The following OSBPL1A variants were observed in gnomAD, a reference collection of about 807,000 sequenced individuals.
OSBPL1A encodes the protein oxysterol binding protein like 1A, also known as oxysterol-binding protein-related protein 1.
In OSBPL1A, 80 loss-of-function variants were observed where a neutral mutation model predicts 137.1. The observed-to-expected ratio is 0.58, with a 90% CI of 0.49 to 0.70. The LOEUF (loss-of-function observed/expected upper bound fraction) is 0.70. Ranked by LOEUF, OSBPL1A falls within the 30% of genes least tolerant of loss-of-function variation. The pLI is 0.00. For missense variants in OSBPL1A, 970 were observed against 1,129.4 expected (o/e 0.86, Z 2.02); for synonymous variants, 365 against 389.7 (o/e 0.94, Z 0.75).
At chr18:24,320,832 A>G (rs1037808552) in intron 7 of OSBPL1A, among the ~76,000 whole-genome samples, 1 of 152,154 alleles carries the variant, frequency 6.6e-6, no homozygotes, top group Admixed American at 6.5e-5. Context: ...GTTCGAGACC[A>G]GCCTGGCCAA....
intron 17 of OSBPL1A, among the ~76,000 whole-genome samples, chr18:24,221,947 G>A (rs571753831): frequency 1.3e-5 from 2 of 152,242 alleles, no homozygotes; most frequent in South Asian, 4.1e-4. Context: ...TGGCAGCCTA[G>A]CCAAACTTTC....
intron 15 of OSBPL1A, among the ~76,000 whole-genome samples, chr18:24,239,926 T>TC (rs1491106385): frequency 5.4e-3 from 2 of 368 alleles, no homozygotes; most frequent in Admixed American, 0.067. Context: ...CATTTTTCTC[T>TC]TTTTTTTTTT....
intron 17 of OSBPL1A, among the ~76,000 whole-genome samples, chr18:24,200,452 C>G (rs2087185096): frequency 6.6e-6 from 1 of 151,014 alleles, no homozygotes; most frequent in Admixed American, 6.6e-5. Context: ...ATCCCAACTA[C>G]TTGGGAGGCT....
intron 11 of OSBPL1A, among the ~76,000 whole-genome samples, chr18:24,315,935 T>C (rs1033696018): frequency 7.2e-6 from 1 of 138,592 alleles, no homozygotes; most frequent in Non-Finnish European, 1.5e-5. Context: ...ATAATAATAA[T>C]ATTAATAATA....
At position 24,360,610 on chromosome 18, in the gene OSBPL1A, C is replaced by T. The variant is rs28464185; in HGVS notation, c.282+6282G>A. On this transcript the variant is annotated intron_variant, in intron 4 of 27. Coordinates refer to ENST00000319481, the MANE Select transcript of OSBPL1A (RefSeq NM_080597.4). ...AAATACAGCAGATCTTCAAACAACA[C>T]CATTTCATTCAACATCATTTCATTG... 9.9e-3 allele frequency among the ~76,000 whole-genome samples: 1,500 copies of T among 152,282 alleles called. 18 individuals carry two copies. Among genetic ancestry groups the T allele is most frequent in the African/African-American group, 0.028 (1,172 of 41,562 alleles).
intron 11 of OSBPL1A, 105 bp downstream of exon 11, chr18:24,317,044 C>G: frequency 8.5e-7 from 1 of 1,173,372 alleles, no homozygotes. Context: ...CTACAGCATT[C>G]CACAGAACCC....
At chr18:24,214,852 GTTGC>G (rs917170313) in intron 17 of OSBPL1A, among the ~76,000 whole-genome samples, 5 of 152,198 alleles carry the variant, frequency 3.3e-5, no homozygotes, top group African/African-American at 1.2e-4. Context: ...ATATGACTGT[GTTGC>G]TTTTCATGGC....
chr18:24,233,558 G>C (rs1299463127), intron 16 of OSBPL1A, among the ~76,000 whole-genome samples: 1 of 152,172 alleles, frequency 6.6e-6, no homozygotes. Context: ...CAAGCATTTA[G>C]AGAACTCTGA....
At chr18:24,166,431 A>ATTTAAATTCAGTAACTTTTAT in intron 26 of OSBPL1A, 148 bp downstream of exon 26, 1 of 1,014,244 alleles carries the variant, frequency 9.9e-7, no homozygotes, top group Non-Finnish European at 1.4e-6. Context: ...AAGTTACTGA[A>ATTTAAATTCAGTAACTTTTAT]TTTAAATTGA....
intron 27 of OSBPL1A, 73 bp from the exon 28 acceptor site, chr18:24,163,354 C>T: frequency 9.2e-7 from 1 of 1,081,668 alleles, no homozygotes; most frequent in Non-Finnish European, 1.4e-6. Flanking sequence ...CACTAGTTTG[C>T]AGTATTATTC....
rs754203159 is a variant in OSBPL1A, at chr18:24,314,266, G to A, written c.952C>T (p.Leu318Phe). The A allele has an allele frequency of 6.2e-7, 1 of 1,606,842 alleles. No individual in the cohort carries two copies. The highest frequency in any genetic ancestry group is 1.1e-5 in the South Asian group (1 of 89,764). Residue 318 changes from leucine (L) to phenylalanine (F), a missense_variant, in exon 12 of 28, where the codon CTT (leucine) becomes TTT (phenylalanine). Transcript: ENST00000319481. ...AAGATTACCTCTCTTGACTGCTGAA[G>A]GCTATTCTTAGGAACCCGGAAGCCA... is the stretch of plus-strand genomic sequence containing the variant. ...IHGFRVPKNSLQQSREDWLEA... is the reference protein window; with the variant it reads ...IHGFRVPKNSFQQSREDWLEA...
chr18:24,259,030 C>T (rs2089370140), intron 15 of OSBPL1A, among the ~76,000 whole-genome samples: 2 of 146,622 alleles, frequency 1.4e-5, no homozygotes, highest in South Asian at 2.1e-4. Flanking sequence ...CTCCACTTTC[C>T]GGGTTCACGC....
intron 4 of OSBPL1A, among the ~76,000 whole-genome samples, chr18:24,356,915 C>T (rs1244770159): frequency 6.6e-6 from 1 of 152,146 alleles, no homozygotes. Context: ...GCCACTCTGC[C>T]ACCTCAGGTA....
In OSBPL1A at chr18:24,179,737, C is replaced by T; in HGVS notation, c.1910+1G>A. ...TAAAGCATGCAAGTGAAAGGCCTCA[C>T]CGCACTAATTCATAAGTCTCTCCCA... On this transcript the variant is annotated splice_donor_variant, in intron 20 of 27. Coordinates refer to ENST00000319481, the MANE Select transcript of OSBPL1A (RefSeq NM_080597.4). LOFTEE classifies it high-confidence loss of function. 1.2e-6 allele frequency: 2 copies of T among 1,613,348 alleles called. No homozygotes were observed. Among genetic ancestry groups the T allele is most frequent in the Non-Finnish European group, 1.7e-6 (2 of 1,179,302 alleles).
chr18:24,180,559 C>T (rs545888669), intron 19 of OSBPL1A, among the ~76,000 whole-genome samples: 13 of 152,118 alleles, frequency 8.5e-5, no homozygotes, highest in South Asian at 2.1e-4. Context: ...CCTAACACAA[C>T]GCTACTTTCT....
intron 21 of OSBPL1A, among the ~76,000 whole-genome samples, chr18:24,174,587 G>A (rs994012566): frequency 3.3e-5 from 5 of 152,140 alleles, no homozygotes; most frequent in African/African-American, 1.2e-4. Flanking sequence ...TACTCAACCT[G>A]TATGAGATTT....
intron 12 of OSBPL1A, among the ~76,000 whole-genome samples, chr18:24,313,978 G>A (rs1392103478): frequency 6.6e-6 from 1 of 152,044 alleles, no homozygotes; most frequent in Admixed American, 6.5e-5. Flanking sequence ...ATTGGCACGT[G>A]CCTGTAGTCC....
chr18:24,184,253 C>T, intron 18 of OSBPL1A, among the ~76,000 whole-genome samples: 1 of 147,178 alleles, frequency 6.8e-6, no homozygotes, highest in South Asian at 2.2e-4. Context: ...CTTTCCAAAA[C>T]ACCTTAACCA....
chr18:24,303,358 T>A (rs2090439915), intron 14 of OSBPL1A, among the ~76,000 whole-genome samples: 1 of 152,202 alleles, frequency 6.6e-6, no homozygotes, highest in African/African-American at 2.4e-5. Context: ...ATAAGCAGAA[T>A]TCTCATTCCG....
Sources: allele counts gnomAD v4.1 joint callset (sites outside exome capture counted in the v4.1 genomes callset), GRCh38; gene constraint gnomAD v4.1.1; transcripts MANE v1.5; gene names NCBI Gene and HGNC (gene_info 2026-07-23, HGNC 2026-07-21).